SGCZ: variants seen among roughly 807,000 people sequenced by gnomAD.
SGCZ encodes zeta-sarcoglycan.
SGCZ carries 40 observed loss-of-function variants against 41.3 expected under a neutral mutation model. That is an observed-to-expected ratio of 0.97 (90% CI 0.75 to 1.26). The LOEUF is 1.26. Ranked by LOEUF, SGCZ falls within the 50% of genes most tolerant of loss-of-function variation. The pLI, the probability that SGCZ is intolerant of heterozygous loss-of-function variation, is 0.00. For missense variants in SGCZ, 552 were observed against 369.8 expected, an observed-to-expected ratio of 1.49 and a Z score of -4.04; for synonymous variants, 206 against 137.5, an observed-to-expected ratio of 1.50 and a Z score of -3.49.
chr8:14,325,928 C>A (rs1214831270), intron 2 of SGCZ, among the ~76,000 whole-genome samples: 1 of 147,392 alleles, frequency 6.8e-6, no homozygotes. Context: ...CTGGCTAACA[C>A]GGTGAAACCC....
intron 1 of SGCZ, among the ~76,000 whole-genome samples, chr8:14,674,357 G>C (rs533000437): frequency 3.0e-4 from 45 of 152,008 alleles, no homozygotes; most frequent in Middle Eastern, 3.4e-3. Flanking sequence ...AACTACTATT[G>C]TTCAAAGTAA....
chr8:14,814,943 G>C (rs561464660), intron 1 of SGCZ, among the ~76,000 whole-genome samples: 1 of 151,998 alleles, frequency 6.6e-6, no homozygotes, highest in African/African-American at 2.4e-5. Context: ...TTCTGTAATA[G>C]GACATTAAAA....
At chr8:14,557,641 A>G (rs1209961684) in intron 1 of SGCZ, among the ~76,000 whole-genome samples, 1 of 151,870 alleles carries the variant, frequency 6.6e-6, no homozygotes, top group Non-Finnish European at 1.5e-5. Flanking sequence ...TATCCTACAC[A>G]TGGCTTGCCA....
intron 1 of SGCZ, among the ~76,000 whole-genome samples, chr8:14,611,204 C>T (rs566926609): frequency 1.3e-5 from 2 of 152,248 alleles, no homozygotes; most frequent in African/African-American, 4.8e-5. Context: ...TTCCTCAACA[C>T]TGAGTCTTTC....
chr8:15,126,258 AATAACT>A (rs1465301338), intron 1 of SGCZ, among the ~76,000 whole-genome samples: 1 of 152,252 alleles, frequency 6.6e-6, no homozygotes, highest in Non-Finnish European at 1.5e-5. Flanking sequence ...TTACATTTTT[AATAACT>A]ACAAGTAGAA....
chr8:15,208,948 G>A (rs113468545), intron 1 of SGCZ, among the ~76,000 whole-genome samples: 4 of 151,288 alleles, frequency 2.6e-5, no homozygotes, highest in African/African-American at 7.3e-5. Context: ...TATCTAAAAG[G>A]ATTTAACATT....
chr8:14,341,151 C>A (rs868616146), intron 2 of SGCZ, among the ~76,000 whole-genome samples: 6 of 152,178 alleles, frequency 3.9e-5, no homozygotes, highest in South Asian at 2.1e-4. Flanking sequence ...TCTGTATATA[C>A]CATATTTTAT....
intron 1 of SGCZ, among the ~76,000 whole-genome samples, chr8:15,058,856 T>A (rs1804811522): frequency 6.6e-6 from 1 of 152,196 alleles, no homozygotes; most frequent in South Asian, 2.1e-4. Context: ...CCTTAGTATA[T>A]CCAAATGTAT....
At chr8:14,205,147 C>T (rs753788187) in intron 4 of SGCZ, among the ~76,000 whole-genome samples, 1 of 145,750 alleles carries the variant, frequency 6.9e-6, no homozygotes, top group African/African-American at 2.6e-5. Flanking sequence ...ATCGACTACA[C>T]ACAAAAGTGG....
At chr8:14,955,227 CTTCTT>C (rs1800755669) in intron 1 of SGCZ, among the ~76,000 whole-genome samples, 1 of 152,028 alleles carries the variant, frequency 6.6e-6, no homozygotes, top group South Asian at 2.1e-4. Flanking sequence ...TTGTCACTTG[CTTCTT>C]TTCTTCAATG....
chr8:14,551,565 A>ATAT (rs1803852911), intron 2 of SGCZ, among the ~76,000 whole-genome samples: 7 of 26,630 alleles, frequency 2.6e-4, no homozygotes, highest in African/African-American at 1.5e-3. Context: ...TATATTATAT[A>ATAT]TATAATATAT....
intron 1 of SGCZ, among the ~76,000 whole-genome samples, chr8:14,756,404 C>T (rs1447420137): frequency 1.3e-5 from 2 of 152,078 alleles, no homozygotes; most frequent in Non-Finnish European, 2.9e-5. Flanking sequence ...AGGCTGGTCT[C>T]AAACTCCCGA....
At chr8:15,114,593 G>T (rs1000398662) in intron 1 of SGCZ, among the ~76,000 whole-genome samples, 1 of 152,132 alleles carries the variant, frequency 6.6e-6, no homozygotes, top group Non-Finnish European at 1.5e-5. Context: ...TATCTATAGA[G>T]AGCTGTGCTT....
At chr8:14,435,863 C>T (rs1157606012) in intron 2 of SGCZ, among the ~76,000 whole-genome samples, 1 of 152,160 alleles carries the variant, frequency 6.6e-6, no homozygotes, top group Non-Finnish European at 1.5e-5. Context: ...CATAAAAAGG[C>T]TTCAGTTTAT....
chr8:14,645,464 TTATATATATATATTTATATGTATATA>T (rs1213274536), intron 1 of SGCZ, among the ~76,000 whole-genome samples: 1 of 105,192 alleles, frequency 9.5e-6, no homozygotes, highest in Non-Finnish European at 1.9e-5. Flanking sequence ...GTATCATTGA[TTATATATATATATTTATATGTATATA>T]TATATATATA....
intron 2 of SGCZ, among the ~76,000 whole-genome samples, chr8:14,481,335 C>T (rs910606983): frequency 2.0e-5 from 3 of 152,226 alleles, no homozygotes; most frequent in East Asian, 3.9e-4. Flanking sequence ...TCATACATGA[C>T]TTATAAGTAA....
chr8:14,402,512 G>C (rs1221711640), intron 2 of SGCZ, among the ~76,000 whole-genome samples: 1 of 150,038 alleles, frequency 6.7e-6, no homozygotes. Flanking sequence ...CCTATGGCTA[G>C]CCAGTTTTCC....
At chr8:14,944,086 T>G (rs760451469) in intron 1 of SGCZ, among the ~76,000 whole-genome samples, 1 of 152,156 alleles carries the variant, frequency 6.6e-6, no homozygotes, top group South Asian at 2.1e-4. Context: ...AATTGCCTGT[T>G]AAACTAATAA....
At chr8:15,085,636 T>A (rs1805921042) in intron 1 of SGCZ, among the ~76,000 whole-genome samples, 1 of 152,178 alleles carries the variant, frequency 6.6e-6, no homozygotes, top group East Asian at 1.9e-4. Context: ...CCTTAAAAAA[T>A]TAGTTCCAGA....
Sources: allele counts gnomAD v4.1 joint callset (sites outside exome capture counted in the v4.1 genomes callset), GRCh38; gene constraint gnomAD v4.1.1; transcripts MANE v1.5; gene names NCBI Gene and HGNC (gene_info 2026-07-23, HGNC 2026-07-21).